The following IPPK variants were observed in gnomAD, a reference collection of about 807,000 sequenced individuals.
The protein encoded by IPPK is inositol-pentakisphosphate 2-kinase, also known as IPK1 homolog.
In IPPK, 22 loss-of-function variants were observed where a neutral mutation model predicts 64.6. The observed-to-expected ratio is 0.34, with a 90% CI of 0.24 to 0.49. IPPK has a LOEUF of 0.49. Among genes scored for constraint, IPPK ranks in the 20% least tolerant of loss-of-function variants. The pLI is 0.99. For synonymous variants in IPPK, 262 were observed against 247.2 expected (o/e 1.06, Z -0.56); for missense variants, 532 against 630.7 (o/e 0.84, Z 1.68).
chr9:92,628,443 A>C (rs1851773510), intron 11 of IPPK, among the ~76,000 whole-genome samples: 5 of 152,248 alleles, frequency 3.3e-5, no homozygotes, highest in Admixed American at 3.3e-4. Flanking sequence ...AGTAGTACTC[A>C]AGACAGGGTA....
Position 92,619,575 on chromosome 9 carries a change from C to T in IPPK, c.1171-10G>A, listed in dbSNP as rs747961441. ...CGCGGTACTGCTGCACCTGCAGGGG[C>T]GGGAAAGATCAGCTCCAGGTCACAC... On this transcript the variant is annotated splice_polypyrimidine_tract_variant and intron_variant, in intron 11 of 12. Transcript: ENST00000287996. The T allele has an allele frequency of 1.2e-4, 182 of 1,569,874 alleles. 2 individuals carry two copies. Among genetic ancestry groups the T allele is most frequent in the Middle Eastern group, 5.0e-4 (3 of 6,028 alleles).
chr9:92,634,276 C>T, intron 11 of IPPK, 110 bp downstream of exon 11: 2 of 708,874 alleles, frequency 2.8e-6, no homozygotes, highest in Non-Finnish European at 4.9e-6. Context: ...AAGTTTTCTG[C>T]TTTAAACCTC....
chr9:92,642,698 T>C (rs771336096), intron 7 of IPPK, 54 bp downstream of exon 7: 14 of 1,383,902 alleles, frequency 1.0e-5, no homozygotes, highest in Non-Finnish European at 1.3e-5. Context: ...GCCCCCGCCC[T>C]ACCCATCTCC....
At chr9:92,656,018 C>A (rs745996590) in intron 3 of IPPK, among the ~76,000 whole-genome samples, 18 of 152,222 alleles carry the variant, frequency 1.2e-4, no homozygotes, top group Admixed American at 2.6e-4. Flanking sequence ...TCTCTAAACC[C>A]CAGCTTTTAA....
Position 92,619,489 on chromosome 9 carries a change from G to T in IPPK, c.1247C>A (p.Ala416Asp). 6.3e-7 allele frequency: 1 copy of T among 1,585,804 alleles called. No individual in the cohort carries two copies. The highest frequency in any genetic ancestry group is 8.6e-7 in the Non-Finnish European group (1 of 1,166,080). Residue 416 changes from alanine to aspartate, a missense_variant, in exon 12 of 13, where the codon GCC becomes GAC. Coordinates refer to ENST00000287996, the MANE Select transcript of IPPK (RefSeq NM_022755.6). ...MIALSPCLQD[A>D]SSDQRPVVPS... ...TGCCTTGCAGTGGGGGCCTCACCTGGCATCCTGCAGACAGGGAGACAGTGC... is the reference window on the plus strand; with the variant it reads ...TGCCTTGCAGTGGGGGCCTCACCTGTCATCCTGCAGACAGGGAGACAGTGC...
At chr9:92,649,682 T>A in intron 4 of IPPK, 108 bp from the exon 5 acceptor site, 1 of 1,318,912 alleles carries the variant, frequency 7.6e-7, no homozygotes, top group South Asian at 1.3e-5. Context: ...GGCATCTCTG[T>A]ACCTGATGAA....
intron 5 of IPPK, among the ~76,000 whole-genome samples, chr9:92,649,089 A>G (rs1391090297): frequency 6.6e-6 from 1 of 152,244 alleles, no homozygotes; most frequent in Non-Finnish European, 1.5e-5. Flanking sequence ...AGGGGCACAG[A>G]GGAAGAACCC....
At chr9:92,658,556 T>C (rs1852419359) in intron 2 of IPPK, 78 bp downstream of exon 2, 1 of 1,187,646 alleles carries the variant, frequency 8.4e-7, no homozygotes, top group Non-Finnish European at 1.3e-6. Context: ...CTAGCATCAA[T>C]GTTTCTACAT....
chr9:92,623,485 AAAG>A (rs1284279348), intron 11 of IPPK, among the ~76,000 whole-genome samples: 3 of 152,170 alleles, frequency 2.0e-5, no homozygotes, highest in African/African-American at 7.2e-5. Flanking sequence ...CATAGTGGGA[AAAG>A]ATACCTACTG....
At chr9:92,669,022 G>C (rs1273317531) in intron 1 of IPPK, among the ~76,000 whole-genome samples, 1 of 152,110 alleles carries the variant, frequency 6.6e-6, no homozygotes, top group Non-Finnish European at 1.5e-5. Context: ...ATAACTTGAT[G>C]GGTTCCTGCG....
chr9:92,618,626 G>GTATT (rs1564025913), intron 12 of IPPK: 1 of 452,742 alleles, frequency 2.2e-6, no homozygotes. Context: ...AGCCCTGTAG[G>GTATT]TATTTCCTTA....
chr9:92,668,002 G>T (rs537982755), intron 1 of IPPK, among the ~76,000 whole-genome samples: 2 of 152,312 alleles, frequency 1.3e-5, no homozygotes, highest in East Asian at 1.9e-4. Flanking sequence ...TGGCGTGGTG[G>T]CTCACGCCTG....
intron 11 of IPPK, among the ~76,000 whole-genome samples, chr9:92,628,897 A>G (rs796645934): frequency 3.9e-5 from 6 of 152,184 alleles, no homozygotes; most frequent in African/African-American, 1.4e-4. Flanking sequence ...AAACAAAAAA[A>G]TGGTGCTGGG....
rs1489562201 is a variant in IPPK at position 92,613,304 on chromosome 9, T to C, written c.*2528A>G. Reference sequence around the variant, plus strand: ...ACATTATATGGAAACTCTCATGACATGAAAAATAAATACAACTAGTTAAGT... The same window carrying C: ...ACATTATATGGAAACTCTCATGACACGAAAAATAAATACAACTAGTTAAGT... On this transcript the variant is annotated 3_prime_UTR_variant, in exon 13 of 13. Coordinates refer to ENST00000287996, the MANE Select transcript of IPPK (RefSeq NM_022755.6). 7.7e-6 allele frequency: 6 copies of C among 776,506 alleles called. No homozygotes were observed. The East Asian group carries it at 1.6e-4, about 21-fold the overall frequency. 48.1% of individuals were successfully genotyped at this position (776,506 alleles called of 1,614,324 possible). A position where few individuals can be genotyped will look rare whatever the true frequency, so the allele number is the denominator to read the frequency against.
intron 3 of IPPK, among the ~76,000 whole-genome samples, chr9:92,654,409 TG>T (rs951746416): frequency 6.6e-6 from 1 of 151,970 alleles, no homozygotes; most frequent in Non-Finnish European, 1.5e-5. Flanking sequence ...CCCAGCTACT[TG>T]GGGGTGGGTG....
At chr9:92,657,711 T>C (rs964237317) in intron 2 of IPPK, among the ~76,000 whole-genome samples, 3 of 152,088 alleles carry the variant, frequency 2.0e-5, no homozygotes, top group African/African-American at 7.2e-5. Flanking sequence ...GGCCTTCCTA[T>C]CCTCCGCCTG....
intron 1 of IPPK, among the ~76,000 whole-genome samples, chr9:92,663,461 T>C (rs1852529130): frequency 6.6e-6 from 1 of 152,322 alleles, no homozygotes; most frequent in East Asian, 1.9e-4. Context: ...TGCTTGACAA[T>C]AAATAGAAAA....
chr9:92,650,239 C>T (rs1852237575), intron 4 of IPPK, among the ~76,000 whole-genome samples: 1 of 151,814 alleles, frequency 6.6e-6, no homozygotes, highest in African/African-American at 2.4e-5. Context: ...AGGAGAATTG[C>T]TTGAACCAGA....
At chr9:92,622,053 T>C (rs1299723616) in intron 11 of IPPK, among the ~76,000 whole-genome samples, 3 of 152,132 alleles carry the variant, frequency 2.0e-5, no homozygotes, top group African/African-American at 7.2e-5. Flanking sequence ...ATTAACCACG[T>C]TAACAGAAAA....
Sources: allele counts gnomAD v4.1 joint callset (sites outside exome capture counted in the v4.1 genomes callset), GRCh38; gene constraint gnomAD v4.1.1; transcripts MANE v1.5; gene names NCBI Gene and HGNC (gene_info 2026-07-23, HGNC 2026-07-21).